The following IKZF1 variants were observed in gnomAD, a reference collection of about 807,000 sequenced individuals.
IKZF1 encodes DNA-binding protein Ikaros.
A neutral mutation model predicts 51.7 loss-of-function variants in IKZF1; 10 were observed. The observed-to-expected ratio is 0.19, with a 90% CI of 0.12 to 0.33. The LOEUF (loss-of-function observed/expected upper bound fraction) is 0.33. Ranked by LOEUF, IKZF1 falls within the 10% of genes least tolerant of loss-of-function variation. IKZF1 has a pLI of 1.00. For missense variants in IKZF1, 484 were observed against 707.5 expected, an observed-to-expected ratio of 0.68 and a Z score of 3.58; for synonymous variants, 280 against 282.3, an observed-to-expected ratio of 0.99 and a Z score of 0.08.
At chr7:50,308,886 T>C (rs1226858932) in intron 1 of IKZF1, 1 of 152,432 alleles carries the variant, frequency 6.6e-6, no homozygotes, top group Non-Finnish European at 1.5e-5. Flanking sequence ...CACTTGGCCT[T>C]GGCGAGGCCT....
chr7:50,339,456 T>C (rs966112026), intron 3 of IKZF1, among the ~76,000 whole-genome samples: 1 of 152,032 alleles, frequency 6.6e-6, no homozygotes, highest in African/African-American at 2.4e-5. Flanking sequence ...GGGAGTATGA[T>C]TAGAAAAGGA....
At chr7:50,310,374 T>C (rs1789866119) in intron 1 of IKZF1, among the ~76,000 whole-genome samples, 1 of 152,252 alleles carries the variant, frequency 6.6e-6, no homozygotes, top group Non-Finnish European at 1.5e-5. Context: ...TTGCTGTGTT[T>C]AAAATGAATT....
chr7:50,366,283 T>C (rs1466385922), intron 3 of IKZF1, among the ~76,000 whole-genome samples: 1 of 152,224 alleles, frequency 6.6e-6, no homozygotes, highest in South Asian at 2.1e-4. Context: ...TAATGTCTAA[T>C]AATATATTAC....
At chr7:50,360,666 A>G (rs1041664196) in intron 3 of IKZF1, among the ~76,000 whole-genome samples, 7 of 152,270 alleles carry the variant, frequency 4.6e-5, no homozygotes, top group African/African-American at 1.7e-4. Context: ...GCTAGAGCAC[A>G]TGCTAAACAG....
At chr7:50,318,360 G>A (rs1792149573) in intron 1 of IKZF1, 3 of 228,136 alleles carry the variant, frequency 1.3e-5, no homozygotes, top group Admixed American at 1.1e-4. Flanking sequence ...AAAACAGGAA[G>A]GCTCGGGCTG....
At chr7:50,391,675 T>G in intron 6 of IKZF1, 54 bp from the exon 7 acceptor site, 1 of 1,605,396 alleles carries the variant, frequency 6.2e-7, no homozygotes, top group Non-Finnish European at 8.5e-7. Context: ...TGGACGCGAC[T>G]GAACCCTTTA....
chr7:50,371,623 C>T (rs1374122628), intron 3 of IKZF1, among the ~76,000 whole-genome samples: 1 of 152,226 alleles, frequency 6.6e-6, no homozygotes, highest in Non-Finnish European at 1.5e-5. Context: ...GGAAACCCCT[C>T]TCTCAGAAGA....
chr7:50,368,223 C>A (rs1032337768), intron 3 of IKZF1: 1 of 703,050 alleles, frequency 1.4e-6, no homozygotes. Flanking sequence ...GGTATTTATA[C>A]CATAAAGTGC....
chr7:50,339,676 T>C (rs901954907), intron 3 of IKZF1, among the ~76,000 whole-genome samples: 18 of 151,708 alleles, frequency 1.2e-4, no homozygotes, highest in African/African-American at 4.4e-4. Flanking sequence ...ATCGCTTGAA[T>C]TCGGGAGGCG....
chr7:50,335,168 G>T (rs1797359928), intron 3 of IKZF1, among the ~76,000 whole-genome samples: 1 of 145,296 alleles, frequency 6.9e-6, no homozygotes, highest in Admixed American at 6.9e-5. Flanking sequence ...TGGGATATAT[G>T]ATGTGTATGG....
intron 3 of IKZF1, among the ~76,000 whole-genome samples, chr7:50,343,514 T>C (rs1489466218): frequency 6.6e-6 from 1 of 152,108 alleles, no homozygotes; most frequent in Non-Finnish European, 1.5e-5. Flanking sequence ...ACTACACAAA[T>C]CTCTTGCATT....
intron 7 of IKZF1, among the ~76,000 whole-genome samples, chr7:50,398,981 C>T (rs1817413994): frequency 6.6e-6 from 1 of 152,180 alleles, no homozygotes; most frequent in Non-Finnish European, 1.5e-5. Context: ...ATTGAAGAAG[C>T]CAAATCTAGG....
At chr7:50,382,255 G>T (rs182765900) in intron 4 of IKZF1, among the ~76,000 whole-genome samples, 1 of 152,254 alleles carries the variant, frequency 6.6e-6, no homozygotes, top group East Asian at 1.9e-4. Context: ...AGGAAGAGTG[G>T]CTCTTCATCA....
intron 1 of IKZF1, among the ~76,000 whole-genome samples, chr7:50,313,574 T>C (rs1055532436): frequency 1.3e-5 from 2 of 152,330 alleles, no homozygotes; most frequent in South Asian, 2.1e-4. Context: ...GGCTGCAACA[T>C]TCTGATGGGC....
chr7:50,356,485 T>A (rs558636969), intron 3 of IKZF1, among the ~76,000 whole-genome samples: 2 of 152,172 alleles, frequency 1.3e-5, no homozygotes, highest in Non-Finnish European at 2.9e-5. Context: ...TGTGAGTGTG[T>A]CTTTGTGCCT....
chr7:50,362,081 T>C (rs1584780005), intron 3 of IKZF1, among the ~76,000 whole-genome samples: 2 of 152,234 alleles, frequency 1.3e-5, no homozygotes, highest in South Asian at 4.1e-4. Flanking sequence ...TGCCTAGTTG[T>C]ACTACATGAA....
chr7:50,348,577 G>A (rs1256618663), intron 3 of IKZF1, among the ~76,000 whole-genome samples: 1 of 152,160 alleles, frequency 6.6e-6, no homozygotes, highest in Non-Finnish European at 1.5e-5. Flanking sequence ...CCGCAGCAGA[G>A]GCCCTGCCCA....
intron 2 of IKZF1, among the ~76,000 whole-genome samples, chr7:50,326,135 A>G (rs1794945293): frequency 6.6e-6 from 1 of 152,196 alleles, no homozygotes; most frequent in African/African-American, 2.4e-5. Context: ...TATACTGAGG[A>G]TGATTTTACT....
intron 5 of IKZF1, among the ~76,000 whole-genome samples, chr7:50,386,299 C>G (rs941930839): frequency 2.0e-5 from 3 of 152,150 alleles, no homozygotes; most frequent in African/African-American, 7.2e-5. Context: ...CTGCCCAATA[C>G]AGCAGCCACT....
Sources: allele counts gnomAD v4.1 joint callset (sites outside exome capture counted in the v4.1 genomes callset), GRCh38; gene constraint gnomAD v4.1.1; transcripts MANE v1.5; gene names NCBI Gene and HGNC (gene_info 2026-07-23, HGNC 2026-07-21).